Variants in JAZF1 observed in about 807,000 individuals in gnomAD.
JAZF1 encodes the protein juxtaposed with another zinc finger protein 1.
In JAZF1, 8 loss-of-function variants were observed where a neutral mutation model predicts 26.4. The ratio of observed to expected loss-of-function variants is 0.30; its 90% CI spans 0.18 to 0.55. JAZF1 has a LOEUF of 0.55. JAZF1 is among the 20% of genes least tolerant of loss of function. JAZF1 has a pLI of 0.94. For synonymous variants in JAZF1, 126 were observed against 122.3 expected (o/e 1.03, Z -0.20); for missense variants, 199 against 322.0 (o/e 0.62, Z 2.92).
chr7:27,969,226 C>A (rs561713264), intron 2 of JAZF1, among the ~76,000 whole-genome samples: 1 of 152,086 alleles, frequency 6.6e-6, no homozygotes. Context: ...AAGAGATGCA[C>A]GCAGACATCA....
In JAZF1 at chr7:27,872,731, G is replaced by A. The variant is rs115780279; in HGVS notation, c.385+22489C>T. 7.3e-3 allele frequency among the ~76,000 whole-genome samples: 1,117 copies of A among 152,246 alleles called. 12 individuals are homozygous for A. The highest frequency in any genetic ancestry group is 0.026 in the African/African-American group (1,068 of 41,544). The stretch of plus-strand genomic sequence containing the variant: ...CTGCTAGTTGCAGCTGTAATCTTGG[G>A]TTAAAAATATAAATGCGGAGGCTCC... On this transcript the variant is annotated intron_variant, in intron 3 of 4. Transcript: ENST00000283928.
At chr7:27,879,842 GAC>G (rs1327241980) in intron 3 of JAZF1, among the ~76,000 whole-genome samples, 2 of 152,250 alleles carry the variant, frequency 1.3e-5, no homozygotes, top group East Asian at 3.9e-4. Context: ...GAACACTACA[GAC>G]AAGAACCTGC....
chr7:28,135,846 TCTATGTAA>T (rs1260957211), intron 1 of JAZF1, among the ~76,000 whole-genome samples: 1 of 152,170 alleles, frequency 6.6e-6, no homozygotes, highest in Non-Finnish European at 1.5e-5. Context: ...TCTGTTTGTA[TCTATGTAA>T]CTAGGTGGAT....
intron 1 of JAZF1, among the ~76,000 whole-genome samples, chr7:28,173,142 C>T (rs1176674795): frequency 2.0e-5 from 3 of 152,176 alleles, no homozygotes; most frequent in East Asian, 1.9e-4. Context: ...GCAAGGAATG[C>T]GTTGTACAAG....
chr7:27,871,614 A>C lies in JAZF1; in HGVS notation c.385+23606T>G, dbSNP rs543703031. Among the ~76,000 whole-genome samples the C allele has an allele frequency of 2.0e-5, 3 of 152,340 alleles. No homozygotes were observed. The East Asian group carries it at 5.8e-4, about 29-fold the overall frequency. ...TGTCCAAGAAGCCTGCACAGTATGC[A>C]TTTGTAAATGGCCATTTCAAACTGC... On this transcript the variant is annotated intron_variant, in intron 3 of 4. Transcript: ENST00000283928.
chr7:27,970,115 G>A (rs1785350358), intron 2 of JAZF1, among the ~76,000 whole-genome samples: 1 of 152,092 alleles, frequency 6.6e-6, no homozygotes, highest in African/African-American at 2.4e-5. Context: ...AAGTATCTGT[G>A]CAAGTTCTTT....
chr7:28,105,349 T>C (rs1344154433), intron 1 of JAZF1, among the ~76,000 whole-genome samples: 1 of 152,198 alleles, frequency 6.6e-6, no homozygotes, highest in East Asian at 1.9e-4. Flanking sequence ...AAAACTAACA[T>C]TTAGTTACCG....
intron 1 of JAZF1, among the ~76,000 whole-genome samples, chr7:28,171,882 G>A (rs755518638): frequency 6.6e-6 from 1 of 152,120 alleles, no homozygotes; most frequent in Non-Finnish European, 1.5e-5. Flanking sequence ...CCCGAATTGG[G>A]AGCTCAAGGA....
At chr7:28,032,175 A>T (rs1783204002) in intron 1 of JAZF1, among the ~76,000 whole-genome samples, 1 of 152,176 alleles carries the variant, frequency 6.6e-6, no homozygotes, top group South Asian at 2.1e-4. Context: ...CATATGAATA[A>T]AACATGATTT....
At chr7:28,155,869 T>C (rs1377352021) in intron 1 of JAZF1, among the ~76,000 whole-genome samples, 1 of 152,206 alleles carries the variant, frequency 6.6e-6, no homozygotes, top group Non-Finnish European at 1.5e-5. Flanking sequence ...AAGATGATCT[T>C]GTGCAAATTA....
chr7:27,900,416 T>A (rs1583454691), intron 2 of JAZF1, among the ~76,000 whole-genome samples: 1 of 152,268 alleles, frequency 6.6e-6, no homozygotes, highest in African/African-American at 2.4e-5. Flanking sequence ...ATCTATTTGG[T>A]AGAATTATTT....
At chr7:28,079,146 T>G (rs999347807) in intron 1 of JAZF1, among the ~76,000 whole-genome samples, 1 of 152,080 alleles carries the variant, frequency 6.6e-6, no homozygotes, top group East Asian at 1.9e-4. Flanking sequence ...CCCACCACCA[T>G]GCCAGGCTAA....
intron 2 of JAZF1, among the ~76,000 whole-genome samples, chr7:27,985,282 T>A: frequency 6.6e-6 from 1 of 151,980 alleles, no homozygotes; most frequent in Non-Finnish European, 1.5e-5. Context: ...TCACCACCAA[T>A]CCCACAGAAA....
chr7:27,875,294 T>C (rs182933366), intron 3 of JAZF1, among the ~76,000 whole-genome samples: 30 of 152,280 alleles, frequency 2.0e-4, no homozygotes, highest in African/African-American at 7.0e-4. Context: ...GTGATCCTCG[T>C]CCCAGCCTTA....
At chr7:27,910,577 C>T (rs1784344633) in intron 2 of JAZF1, among the ~76,000 whole-genome samples, 1 of 152,162 alleles carries the variant, frequency 6.6e-6, no homozygotes, top group African/African-American at 2.4e-5. Context: ...TTTAGCAAAG[C>T]TTTTCTCAGA....
chr7:28,077,681 T>C (rs1188330404), intron 1 of JAZF1, among the ~76,000 whole-genome samples: 1 of 152,200 alleles, frequency 6.6e-6, no homozygotes, highest in Non-Finnish European at 1.5e-5. Flanking sequence ...TGTTAGGTCT[T>C]AGAATTTGGG....
chr7:28,028,330 G>A (rs1783126964), intron 1 of JAZF1, among the ~76,000 whole-genome samples: 1 of 152,168 alleles, frequency 6.6e-6, no homozygotes, highest in South Asian at 2.1e-4. Context: ...CAAAGACCAA[G>A]GAGCTCACTT....
intron 1 of JAZF1, among the ~76,000 whole-genome samples, chr7:28,016,709 C>T (rs1445883915): frequency 5.9e-5 from 9 of 152,194 alleles, no homozygotes; most frequent in African/African-American, 2.2e-4. Flanking sequence ...CCCTCCACTC[C>T]TCAGTGGAGT....
At chr7:27,897,920 G>A (rs1420613893) in intron 2 of JAZF1, among the ~76,000 whole-genome samples, 1 of 152,214 alleles carries the variant, frequency 6.6e-6, no homozygotes, top group Non-Finnish European at 1.5e-5. Context: ...AACCTAAGAA[G>A]GTGACTTGTT....
Sources: allele counts gnomAD v4.1 joint callset (sites outside exome capture counted in the v4.1 genomes callset), GRCh38; gene constraint gnomAD v4.1.1; transcripts MANE v1.5; gene names NCBI Gene and HGNC (gene_info 2026-07-23, HGNC 2026-07-21).